WWOX: variants seen among roughly 807,000 people sequenced by gnomAD.
WWOX encodes the protein WW domain containing oxidoreductase.
WWOX carries 69 observed loss-of-function variants against 46.2 expected under a neutral mutation model. That is an observed-to-expected ratio of 1.49 (90% CI 1.23 to 1.82). WWOX has a LOEUF of 1.82. Among genes scored for constraint, WWOX ranks in the 40% most tolerant of loss-of-function variants. The pLI is 0.00. For synonymous variants in WWOX, 359 were observed against 202.6 expected, an observed-to-expected ratio of 1.77 and a Z score of -6.56; for missense variants, 919 against 542.6, an observed-to-expected ratio of 1.69 and a Z score of -6.89.
At chr16:78,619,522 C>T (rs2046124758) in intron 8 of WWOX, among the ~76,000 whole-genome samples, 1 of 151,848 alleles carries the variant, frequency 6.6e-6, no homozygotes, top group Admixed American at 6.6e-5. Context: ...TATCCCCTTT[C>T]AGCTCCTGCT....
chr16:79,133,291 G>A (rs750894886), intron 8 of WWOX, among the ~76,000 whole-genome samples: 8 of 151,858 alleles, frequency 5.3e-5, no homozygotes, highest in East Asian at 1.9e-4. Context: ...CTTTACTTTC[G>A]TCAATGAGAC....
intron 8 of WWOX, among the ~76,000 whole-genome samples, chr16:79,001,121 C>T (rs558562499): frequency 5.3e-5 from 8 of 152,174 alleles, no homozygotes; most frequent in African/African-American, 9.7e-5. Flanking sequence ...AAACACATAT[C>T]CCACATCCAG....
chr16:78,807,106 T>G (rs527384896), intron 8 of WWOX, among the ~76,000 whole-genome samples: 1 of 152,352 alleles, frequency 6.6e-6, no homozygotes, highest in Admixed American at 6.5e-5. Context: ...GGATGCTCAA[T>G]AAGTCTTTGG....
chr16:78,346,450 A>G lies in WWOX; in HGVS notation c.517-40410A>G, dbSNP rs372108617. Reference sequence around the variant, plus strand: ...TGGGCAGGGTGGTCCGTATAGGGCTATGTATAACTTTTTAAGAGGTTGGCA... The same window carrying G: ...TGGGCAGGGTGGTCCGTATAGGGCTGTGTATAACTTTTTAAGAGGTTGGCA... On this transcript the variant is annotated intron_variant, in intron 5 of 8. Transcript: ENST00000566780. Among the ~76,000 whole-genome samples the G allele has an allele frequency of 3.2e-4, 38 of 119,586 alleles. 7 individuals are homozygous for G. The East Asian group carries it at 3.7e-3, about 12-fold the overall frequency. The allele number at this position is 119,586 out of a possible 152,430, so 78.5% of individuals were successfully genotyped here. A position where few individuals can be genotyped will look rare whatever the true frequency, so the allele number is the denominator to read the frequency against.
At chr16:79,154,469 G>T (rs115684752) in intron 8 of WWOX, among the ~76,000 whole-genome samples, 4 of 148,354 alleles carry the variant, frequency 2.7e-5, no homozygotes, top group Admixed American at 6.7e-5. Context: ...AGATAGACAT[G>T]GACATATAAA....
At chr16:78,596,322 C>T (rs1199173296) in intron 8 of WWOX, among the ~76,000 whole-genome samples, 1 of 152,116 alleles carries the variant, frequency 6.6e-6, no homozygotes. Context: ...AGGCCTGGGT[C>T]TACAGCAGTT....
chr16:78,797,655 A>T (rs539573190), intron 8 of WWOX, among the ~76,000 whole-genome samples: 1 of 152,268 alleles, frequency 6.6e-6, no homozygotes, highest in East Asian at 1.9e-4. Context: ...AGGAACTATG[A>T]TAAGTAGCAA....
At chr16:78,430,123 G>A (rs1419513124) in intron 7 of WWOX, among the ~76,000 whole-genome samples, 3 of 152,178 alleles carry the variant, frequency 2.0e-5, no homozygotes, top group Non-Finnish European at 4.4e-5. Context: ...GAAGATGAAG[G>A]AAGGGCAAAG....
intron 5 of WWOX, among the ~76,000 whole-genome samples, chr16:78,362,179 G>A (rs1222485030): frequency 2.0e-5 from 3 of 151,988 alleles, no homozygotes; most frequent in Non-Finnish European, 4.4e-5. Context: ...CTGCTGTTAG[G>A]GACGTGCTAA....
chr16:78,202,336 C>A (rs1479567399), intron 5 of WWOX, among the ~76,000 whole-genome samples: 1 of 152,236 alleles, frequency 6.6e-6, no homozygotes, highest in Non-Finnish European at 1.5e-5. Context: ...AAACCCTTGG[C>A]CCATGCCTCA....
chr16:79,116,835 C>T (rs987768843), intron 8 of WWOX, among the ~76,000 whole-genome samples: 3 of 151,842 alleles, frequency 2.0e-5, no homozygotes, highest in African/African-American at 7.3e-5. Flanking sequence ...TTTACTTAGC[C>T]CAGATCCATC....
At chr16:78,905,734 G>T (rs1039212394) in intron 8 of WWOX, among the ~76,000 whole-genome samples, 1 of 152,154 alleles carries the variant, frequency 6.6e-6, no homozygotes, top group Admixed American at 6.5e-5. Flanking sequence ...TTTATGATAT[G>T]AGCCGATCAA....
chr16:78,380,697 G>C (rs2081936349), intron 5 of WWOX, among the ~76,000 whole-genome samples: 1 of 152,092 alleles, frequency 6.6e-6, no homozygotes, highest in African/African-American at 2.4e-5. Flanking sequence ...AACTGCTTTA[G>C]ATACATTGCC....
intron 5 of WWOX, among the ~76,000 whole-genome samples, chr16:78,384,936 C>G (rs1355716395): frequency 6.6e-6 from 1 of 152,102 alleles, no homozygotes; most frequent in Non-Finnish European, 1.5e-5. Context: ...GAGATTGAGA[C>G]CATCCTGGCC....
chr16:78,373,387 G>A (rs1480347997), intron 5 of WWOX, among the ~76,000 whole-genome samples: 1 of 152,070 alleles, frequency 6.6e-6, no homozygotes, highest in South Asian at 2.1e-4. Context: ...ATAACTTAAC[G>A]TTTATCTCAT....
intron 8 of WWOX, among the ~76,000 whole-genome samples, chr16:78,966,952 T>C (rs961350335): frequency 1.3e-5 from 2 of 152,168 alleles, no homozygotes; most frequent in Non-Finnish European, 2.9e-5. Flanking sequence ...TGGTAAGGGG[T>C]TCGTAAATAC....
At chr16:78,951,534 G>C (rs559337557) in intron 8 of WWOX, among the ~76,000 whole-genome samples, 4 of 152,174 alleles carry the variant, frequency 2.6e-5, no homozygotes, top group Non-Finnish European at 5.9e-5. Context: ...TCATGTTATT[G>C]CTGGAAAAGG....
chr16:78,854,432 T>C (rs753547158), intron 8 of WWOX, among the ~76,000 whole-genome samples: 1 of 152,252 alleles, frequency 6.6e-6, no homozygotes, highest in African/African-American at 2.4e-5. Context: ...AGATGAAGAC[T>C]GTCCTTTAGT....
intron 8 of WWOX, among the ~76,000 whole-genome samples, chr16:79,177,704 G>C (rs1393068516): frequency 6.6e-6 from 1 of 152,156 alleles, no homozygotes; most frequent in East Asian, 1.9e-4. Flanking sequence ...GCCATATTCA[G>C]TAGTCCCAGC....
Sources: gnomAD v4.1 joint callset for allele counts (sites outside exome capture counted in the v4.1 genomes callset) on GRCh38, gnomAD v4.1.1 for gene constraint, MANE v1.5 for transcripts, NCBI Gene and HGNC (gene_info 2026-07-23, HGNC 2026-07-21) for gene names.